The following PARD3B variants were observed in gnomAD, a reference collection of about 807,000 sequenced individuals.
The protein encoded by PARD3B is partitioning defective 3 homolog B.
PARD3B carries 103 observed loss-of-function variants against 130.2 expected under a neutral mutation model. The ratio of observed to expected loss-of-function variants is 0.79; its 90% CI spans 0.67 to 0.93. The LOEUF (loss-of-function observed/expected upper bound fraction) is 0.93. Ranked by LOEUF, PARD3B falls within the 40% of genes least tolerant of loss-of-function variation. PARD3B has a pLI of 0.00. For synonymous variants in PARD3B, 583 were observed against 553.2 expected (o/e 1.05, Z -0.76); for missense variants, 1,609 against 1,499.2 (o/e 1.07, Z -1.21).
intron 1 of PARD3B, among the ~76,000 whole-genome samples, chr2:204,572,257 T>C (rs142072447): frequency 6.6e-6 from 1 of 152,274 alleles, no homozygotes; most frequent in East Asian, 1.9e-4. Context: ...CCTCCACATC[T>C]AGTTTCTTTG....
intron 1 of PARD3B, among the ~76,000 whole-genome samples, chr2:204,627,036 A>T (rs2034510892): frequency 6.6e-6 from 1 of 152,178 alleles, no homozygotes; most frequent in South Asian, 2.1e-4. Context: ...GTGAGTTCTC[A>T]TGAGATGTGG....
chr2:204,697,488 G>A (rs1168562236), intron 2 of PARD3B, among the ~76,000 whole-genome samples: 2 of 152,110 alleles, frequency 1.3e-5, no homozygotes, highest in African/African-American at 2.4e-5. Flanking sequence ...AGCACATGCT[G>A]CTTTCTAACA....
At chr2:205,020,041 A>T (rs1268422572) in intron 3 of PARD3B, among the ~76,000 whole-genome samples, 1 of 152,034 alleles carries the variant, frequency 6.6e-6, no homozygotes. Flanking sequence ...TTCTAATCTG[A>T]GTGGATTGGG....
intron 12 of PARD3B, among the ~76,000 whole-genome samples, chr2:205,174,328 C>T (rs923772587): frequency 5.9e-5 from 9 of 152,154 alleles, no homozygotes; most frequent in East Asian, 1.9e-4. Context: ...TCTATGAGGA[C>T]GTTTAAACAA....
chr2:205,108,999 C>T (rs1315351371), intron 5 of PARD3B, among the ~76,000 whole-genome samples: 1 of 151,848 alleles, frequency 6.6e-6, no homozygotes, highest in African/African-American at 2.4e-5. Flanking sequence ...CTACTGTAAC[C>T]CATCGCTTTC....
intron 2 of PARD3B, among the ~76,000 whole-genome samples, chr2:204,933,612 ATGT>A: frequency 6.6e-6 from 1 of 152,284 alleles, no homozygotes; most frequent in African/African-American, 2.4e-5. Flanking sequence ...ATTGCTTGTA[ATGT>A]TGTGCATGGA....
At chr2:205,256,550 C>T (rs1053065457) in intron 16 of PARD3B, among the ~76,000 whole-genome samples, 1 of 152,130 alleles carries the variant, frequency 6.6e-6, no homozygotes, top group African/African-American at 2.4e-5. Flanking sequence ...GGTTGGGGGT[C>T]AAAGGGACCT....
At chr2:204,834,037 C>T (rs1167650359) in intron 2 of PARD3B, among the ~76,000 whole-genome samples, 2 of 152,184 alleles carry the variant, frequency 1.3e-5, no homozygotes, top group Non-Finnish European at 2.9e-5. Context: ...AACTGGTCCC[C>T]ATTCTTCACC....
chr2:204,611,914 G>T, intron 1 of PARD3B, among the ~76,000 whole-genome samples: 1 of 152,104 alleles, frequency 6.6e-6, no homozygotes, highest in African/African-American at 2.4e-5. Flanking sequence ...TGATGGTTAA[G>T]GTTGAGTCTG....
intron 5 of PARD3B, 64 bp from the exon 6 acceptor site, chr2:205,113,427 T>G: frequency 3.7e-6 from 4 of 1,070,782 alleles, no homozygotes; most frequent in Non-Finnish European, 5.7e-6. Context: ...TGTGTGTATT[T>G]TAGATGTGCT....
chr2:204,998,340 A>ATG (rs1694447719), intron 3 of PARD3B, among the ~76,000 whole-genome samples: 2 of 82,058 alleles, frequency 2.4e-5, no homozygotes, highest in Admixed American at 1.5e-4. Context: ...ATATATATAT[A>ATG]TATATATATA....
rs1696623628 is a variant in PARD3B, at chr2:205,021,650, C to CCA, written c.395-25931_395-25930insCA. On this transcript the variant is annotated intron_variant, in intron 3 of 22. Coordinates refer to ENST00000406610, the MANE Select transcript of PARD3B (RefSeq NM_001302769.2). This position sits in a 1 kb window ranked among gnomAD's most constrained non-coding sequence, Gnocchi z 4.5. Reference sequence around the variant, plus strand: ...TCTCTTTCTCTCTCTCTCTCTCTCTCTATATATATATATATAGTTAATCTT... The same window carrying CCA: ...TCTCTTTCTCTCTCTCTCTCTCTCTCCATATATATATATATATAGTTAATCTT... 1.0e-5 allele frequency among the ~76,000 whole-genome samples: 1 copy of CCA among 98,234 alleles called. No homozygotes were observed. Among genetic ancestry groups the CCA allele is most frequent in the African/African-American group, 3.2e-5 (1 of 31,058 alleles). 64.4% of individuals were successfully genotyped at this position (98,234 alleles called of 152,430 possible).
At chr2:205,225,859 G>A (rs2038514593) in intron 15 of PARD3B, among the ~76,000 whole-genome samples, 1 of 152,108 alleles carries the variant, frequency 6.6e-6, no homozygotes, top group African/African-American at 2.4e-5. Flanking sequence ...CCAACATTTG[G>A]AATTACAATT....
chr2:205,307,510 G>A (rs1189040611), intron 18 of PARD3B, among the ~76,000 whole-genome samples: 3 of 152,042 alleles, frequency 2.0e-5, no homozygotes, highest in Admixed American at 1.3e-4. Context: ...TACATATTGT[G>A]CTCTTTATGG....
chr2:205,381,116 T>A (rs1334989424), intron 18 of PARD3B, among the ~76,000 whole-genome samples: 3 of 84,806 alleles, frequency 3.5e-5, no homozygotes, highest in African/African-American at 8.9e-5. Context: ...AGAATATATA[T>A]TATATATATT....
chr2:204,894,918 T>G (rs1419428635), intron 2 of PARD3B, among the ~76,000 whole-genome samples: 1 of 152,046 alleles, frequency 6.6e-6, no homozygotes, highest in African/African-American at 2.4e-5. Flanking sequence ...TAAACTTGAT[T>G]AGAAGAAATA....
chr2:205,004,128 T>G (rs1312155691), intron 3 of PARD3B, among the ~76,000 whole-genome samples: 1 of 152,190 alleles, frequency 6.6e-6, no homozygotes, highest in African/African-American at 2.4e-5. Context: ...GTGCCTGTAT[T>G]CTTATTCAGA....
intron 18 of PARD3B, among the ~76,000 whole-genome samples, chr2:205,311,622 T>A (rs934879055): frequency 6.6e-6 from 1 of 152,234 alleles, no homozygotes; most frequent in Non-Finnish European, 1.5e-5. Context: ...ACTGCTGTTT[T>A]GTAATGTAGT....
chr2:204,777,646 G>A (rs920760473), intron 2 of PARD3B, among the ~76,000 whole-genome samples: 6 of 152,068 alleles, frequency 3.9e-5, no homozygotes, highest in African/African-American at 1.4e-4. Context: ...GTGCATGCTT[G>A]TGGTCCCAGC....
Sources: allele counts gnomAD v4.1 joint callset (sites outside exome capture counted in the v4.1 genomes callset), GRCh38; gene constraint gnomAD v4.1.1; non-coding constraint Gnocchi (gnomAD v3.1); transcripts MANE v1.5; gene names NCBI Gene and HGNC (gene_info 2026-07-23, HGNC 2026-07-21).